Variants in ACSL4 observed in about 807,000 individuals in gnomAD.
ACSL4 encodes long-chain-fatty-acid--CoA ligase 4.
Under a neutral mutation model 49.1 loss-of-function variants are expected in ACSL4, and 9 were observed. The observed-to-expected ratio is 0.18, with a 90% CI of 0.11 to 0.32. The LOEUF is 0.32. Among genes scored for constraint, ACSL4 ranks in the 10% least tolerant of loss-of-function variants. The pLI, the probability that ACSL4 is intolerant of heterozygous loss-of-function variation, is 1.00. For missense variants in ACSL4, 333 were observed against 493.7 expected (o/e 0.67, Z 3.08); for synonymous variants, 191 against 170.3 (o/e 1.12, Z -0.95).
At chrX:109,653,178 A>T (rs980618715) in intron 15 of ACSL4, among the ~76,000 whole-genome samples, 17 of 111,730 alleles carry the variant, frequency 1.5e-4, no homozygotes, top group Non-Finnish European at 3.0e-4. Flanking sequence ...ATATATTCTT[A>T]TGCAGCCAAA....
At chrX:109,717,287 T>TA (rs748355340) in intron 1 of ACSL4, among the ~76,000 whole-genome samples, 10 of 110,350 alleles carry the variant, frequency 9.1e-5, no homozygotes, top group African/African-American at 3.3e-4. Flanking sequence ...CTAAGGTCAG[T>TA]AGTTCAAGAC....
intron 15 of ACSL4, among the ~76,000 whole-genome samples, chrX:109,647,247 T>C (rs1216834161): frequency 9.0e-6 from 1 of 111,502 alleles, no homozygotes; most frequent in African/African-American, 3.3e-5. Context: ...ACCACACCTA[T>C]TCCAAAACTG....
rs774441230 is a variant in ACSL4 at position 109,700,409 on chromosome X, C to T, written c.-65-4213G>A. ...TAAATTAGCCGGGCACCACGGTGCACGCCTGTAACCCCAGCTACTCGGAAG... is the reference window on the plus strand; with the variant it reads ...TAAATTAGCCGGGCACCACGGTGCATGCCTGTAACCCCAGCTACTCGGAAG... On this transcript the variant is annotated intron_variant, in intron 1 of 15. Transcript: ENST00000672401. 4.7e-5 allele frequency among the ~76,000 whole-genome samples: 5 copies of T among 106,270 alleles called. No individual in the cohort carries two copies. The South Asian group carries it at 1.3e-3, about 27-fold the overall frequency. 92.3% of individuals were successfully genotyped at this position (106,270 alleles called of 115,157 possible).
intron 1 of ACSL4, among the ~76,000 whole-genome samples, chrX:109,712,764 C>T (rs1323736791): frequency 9.0e-6 from 1 of 111,310 alleles, no homozygotes. Context: ...CATGTGAGCC[C>T]AGGGGTTTCA....
chrX:109,694,227 T>A (rs891546462), intron 2 of ACSL4, among the ~76,000 whole-genome samples: 2 of 112,206 alleles, frequency 1.8e-5, no homozygotes, highest in African/African-American at 6.5e-5. Flanking sequence ...GCCTTTTGAA[T>A]TTCTTTATAC....
At chrX:109,703,857 G>C (rs1486663986) in intron 1 of ACSL4, among the ~76,000 whole-genome samples, 2 of 110,458 alleles carry the variant, frequency 1.8e-5, no homozygotes, top group Non-Finnish European at 3.8e-5. Context: ...GGTTGAATCT[G>C]GGAGGTGGAG....
chrX:109,684,168 CT>C (rs889259467), intron 2 of ACSL4, among the ~76,000 whole-genome samples: 1 of 112,124 alleles, frequency 8.9e-6, no homozygotes, highest in African/African-American at 3.2e-5. Flanking sequence ...ACCCAGAAAC[CT>C]TATTCTGAGT....
intron 1 of ACSL4, among the ~76,000 whole-genome samples, chrX:109,700,524 G>A (rs1241125806): frequency 1.1e-4 from 11 of 102,273 alleles, no homozygotes; most frequent in East Asian, 3.1e-4. Context: ...GTGACAGAGT[G>A]AGACTCTGTC....
At position 109,704,927 on chromosome X, in the gene ACSL4, ATCTC is replaced by A. The variant is rs924512004; in HGVS notation, c.-65-8735_-65-8732del. ...GGTATATCTTATTTTAAGTGTTTTC[ATCTC>A]TCTCTCTCTCACACACACACACACA... On this transcript the variant is annotated intron_variant, in intron 1 of 15. Transcript: ENST00000672401. 1.2e-4 allele frequency among the ~76,000 whole-genome samples: 13 copies of A among 106,606 alleles called. No individual in the cohort carries two copies. In the South Asian group the frequency reaches 1.2e-3, roughly 10 times the overall value. 92.6% of individuals were successfully genotyped at this position (106,606 alleles called of 115,157 possible).
intron 5 of ACSL4, 24 bp from the exon 6 acceptor site, chrX:109,681,160 A>T: frequency 1.7e-6 from 2 of 1,210,015 alleles, no homozygotes; most frequent in Non-Finnish European, 2.2e-6. Context: ...AGAAAAAAAA[A>T]CAGCTATTAA....
intron 1 of ACSL4, among the ~76,000 whole-genome samples, chrX:109,706,396 A>T (rs1405156387): frequency 8.9e-6 from 1 of 112,485 alleles, no homozygotes; most frequent in Non-Finnish European, 1.9e-5. Flanking sequence ...AGAGTATGAA[A>T]AAACAACAAG....
Position 109,643,915 on chromosome X carries a change from C to A in ACSL4, c.*114G>T. On this transcript the variant is annotated 3_prime_UTR_variant, in exon 16 of 16. Transcript: ENST00000672401. ...CTTTTGGTTTTGTTTTCTTTTTACT[C>A]TATCTTTAGAATGATATACCTTACA... 1.1e-6 allele frequency: 1 copy of A among 897,866 alleles called. No homozygotes were observed. The allele number at this position is 897,866 out of a possible 1,213,427, so 74.0% of individuals were successfully genotyped here.
chrX:109,652,462 T>A (rs761639743), intron 15 of ACSL4, among the ~76,000 whole-genome samples: 7 of 111,308 alleles, frequency 6.3e-5, no homozygotes, highest in Non-Finnish European at 1.3e-4. Context: ...ACTTCCCCCA[T>A]TGTTGCTTCT....
At position 109,680,966 on chromosome X, in the gene ACSL4, G is replaced by A. The variant is rs1413553916; in HGVS notation, c.655+32C>T. 3 of 1,197,185 alleles carry A rather than the reference G, an allele frequency of 2.5e-6. No individual in the cohort carries two copies. The East Asian group carries it at 8.9e-5, about 36-fold the overall frequency. On this transcript the variant is annotated intron_variant, in intron 6 of 15. Coordinates refer to ENST00000672401, the MANE Select transcript of ACSL4 (RefSeq NM_001318510.2). ...TACCAAAATAACAAACTTGGAATAG[G>A]TAAATAAAATTGTTTTTACTGCTTT...
chrX:109,676,309 CT>C (rs1470514467), intron 8 of ACSL4, among the ~76,000 whole-genome samples: 2 of 109,583 alleles, frequency 1.8e-5, no homozygotes, highest in Non-Finnish European at 1.9e-5. Context: ...AACTATTTAA[CT>C]TTTTTTGTTT....
chrX:109,648,720 A>C (rs1423748744), intron 15 of ACSL4, among the ~76,000 whole-genome samples: 1 of 106,895 alleles, frequency 9.4e-6, no homozygotes, highest in African/African-American at 3.4e-5. Context: ...AATTAGGAAA[A>C]GAGGAAGTCA....
intron 11 of ACSL4, among the ~76,000 whole-genome samples, chrX:109,665,843 CCTCT>C (rs1406934928): frequency 1.8e-5 from 2 of 111,632 alleles, no homozygotes; most frequent in Non-Finnish European, 3.8e-5. Flanking sequence ...AGTAACTTAG[CCTCT>C]CTAAGCCTCC....
At chrX:109,677,856 G>T in intron 8 of ACSL4, 132 bp downstream of exon 8, 1 of 848,466 alleles carries the variant, frequency 1.2e-6, no homozygotes, top group African/African-American at 2.0e-5. Flanking sequence ...GCTACATATT[G>T]TTCATGGAAG....
intron 15 of ACSL4, among the ~76,000 whole-genome samples, chrX:109,646,101 A>C (rs867237857): frequency 8.9e-6 from 1 of 111,997 alleles, no homozygotes; most frequent in Non-Finnish European, 1.9e-5. Flanking sequence ...CACTCTGTAG[A>C]ATATTATCCA....
Sources: gnomAD v4.1 joint callset for allele counts (sites outside exome capture counted in the v4.1 genomes callset) on GRCh38, gnomAD v4.1.1 for gene constraint, MANE v1.5 for transcripts, NCBI Gene and HGNC (gene_info 2026-07-23, HGNC 2026-07-21) for gene names.